The following ZBTB7A variants were observed in gnomAD, a reference collection of about 807,000 sequenced individuals.
ZBTB7A encodes zinc finger and BTB domain containing 7A.
Under a neutral mutation model 26.7 loss-of-function variants are expected in ZBTB7A, and 7 were observed. The observed-to-expected ratio is 0.26, with a 90% CI of 0.15 to 0.49. The LOEUF is 0.49. Among genes scored for constraint, ZBTB7A ranks in the 20% least tolerant of loss-of-function variants. The probability of loss-of-function intolerance (pLI) is 0.98; values close to 1 mark genes in which losing one functional copy is unlikely to be tolerated. For synonymous variants in ZBTB7A, 452 were observed against 441.0 expected, an observed-to-expected ratio of 1.02 and a Z score of -0.31; for missense variants, 617 against 919.5, an observed-to-expected ratio of 0.67 and a Z score of 4.25.
chr19:4,060,184 T>G (rs1000995791), intron 1 of ZBTB7A, among the ~76,000 whole-genome samples: 21 of 151,042 alleles, frequency 1.4e-4, no homozygotes, highest in African/African-American at 5.1e-4. Context: ...GGCGCCCTCC[T>G]CCCCCCGGGC....
chr19:4,065,670 T>A (rs1453655526), intron 1 of ZBTB7A: 1 of 135,234 alleles, frequency 7.4e-6, no homozygotes, highest in African/African-American at 2.7e-5. Context: ...AGGCCGCGCA[T>A]CCCCGGGCTC....
intron 1 of ZBTB7A, among the ~76,000 whole-genome samples, chr19:4,055,869 C>T (rs777279794): frequency 8.5e-5 from 13 of 152,084 alleles, no homozygotes; most frequent in Non-Finnish European, 1.3e-4. Flanking sequence ...ATGATCCAAC[C>T]GCCCCTGCCT....
At chr19:4,063,180 C>T (rs1410861386) in intron 1 of ZBTB7A, among the ~76,000 whole-genome samples, 1 of 152,134 alleles carries the variant, frequency 6.6e-6, no homozygotes, top group East Asian at 1.9e-4. Context: ...GAGTTTCCGC[C>T]GCGGAGGAGA....
chr19:4,049,690 C>T (rs1479745895), intron 2 of ZBTB7A, among the ~76,000 whole-genome samples: 3 of 152,154 alleles, frequency 2.0e-5, no homozygotes, highest in East Asian at 1.9e-4. Context: ...CCCCACCCCA[C>T]GACACCCAGG....
In ZBTB7A at chr19:4,052,040, G is replaced by A. The variant is rs968061245; in HGVS notation, c.1262+1931C>T. 2.0e-4 allele frequency among the ~76,000 whole-genome samples: 31 copies of A among 152,092 alleles called. No homozygotes were observed. The highest frequency in any genetic ancestry group is 1.6e-3 in the Admixed American group (24 of 15,268). On this transcript the variant is annotated intron_variant, in intron 2 of 2. Transcript: ENST00000322357. The surrounding 1 kb of genome is among the most constrained non-coding windows in gnomAD (Gnocchi z 4.9). ...TCCTGGGGAGGGGGGACCAGAGCAC[G>A]GGGTGGGGGAAAAGAGGAAGCAGGT...
rs781483584 is a variant in ZBTB7A at position 4,048,293 on chromosome 19, C to T, written c.1263-49G>A. On this transcript the variant is annotated intron_variant, in intron 2 of 2. Coordinates refer to ENST00000322357, the MANE Select transcript of ZBTB7A (RefSeq NM_015898.4). The surrounding 1 kb of genome is among the most constrained non-coding windows in gnomAD (Gnocchi z 6.7). Reference sequence around the variant, plus strand: ...CACGGTCAGTGGGGCCGGGGACCCCCGATCCCCGCCCAGGGACCCTCACGG... The same window carrying T: ...CACGGTCAGTGGGGCCGGGGACCCCTGATCCCCGCCCAGGGACCCTCACGG... 1.1e-5 allele frequency: 17 copies of T among 1,511,008 alleles called. No homozygotes were observed. The highest frequency in any genetic ancestry group is 1.7e-4 in the Middle Eastern group (1 of 5,784). The allele number at this position is 1,511,008 out of a possible 1,614,324, so 93.6% of individuals were successfully genotyped here.
intron 1 of ZBTB7A, among the ~76,000 whole-genome samples, chr19:4,059,892 A>T (rs1015254774): frequency 1.2e-4 from 18 of 152,290 alleles, no homozygotes; most frequent in Middle Eastern, 3.4e-3. Context: ...GGCAATAAAA[A>T]GTCCCCGAGT....
At chr19:4,051,281 G>A (rs2040502102) in intron 2 of ZBTB7A, among the ~76,000 whole-genome samples, 1 of 152,014 alleles carries the variant, frequency 6.6e-6, no homozygotes, top group African/African-American at 2.4e-5. Context: ...CCCCACATCT[G>A]AGCCACCTCG....
At chr19:4,063,982 G>C (rs1191826385) in intron 1 of ZBTB7A, among the ~76,000 whole-genome samples, 1 of 152,220 alleles carries the variant, frequency 6.6e-6, no homozygotes, top group Non-Finnish European at 1.5e-5. Context: ...AGGTCAGAGG[G>C]ACTCAAGGAA....
Position 4,047,780 on chromosome 19 carries a change from T to A in ZBTB7A, c.1727A>T (p.Asp576Val). 1 of 1,600,522 alleles carries A rather than the reference T, an allele frequency of 6.2e-7. No homozygotes were observed. Among genetic ancestry groups the A allele is most frequent in the Non-Finnish European group, 8.5e-7 (1 of 1,174,216 alleles). Reference sequence around the variant, plus strand: ...GGCGAGTCCGGCTGTGAAGTTACCGTCGGTGGCGGCCCCGGGGCCACCTCC... The same window carrying A: ...GGCGAGTCCGGCTGTGAAGTTACCGACGGTGGCGGCCCCGGGGCCACCTCC... ...DSGGGPGAAT[D>V]GNFTAGLA Residue 576 changes from aspartate (D) to valine (V), a missense_variant, in exon 3 of 3, where the codon GAC (aspartate) becomes GTC (valine). This residue lies in a region of ZBTB7A where 136 missense variants were observed against 126.6 expected (regional missense o/e 1.07). Transcript: ENST00000322357.
In ZBTB7A at chr19:4,048,628, C is replaced by A. The variant is rs1475749218; in HGVS notation, c.1263-384G>T. Among the ~76,000 whole-genome samples, 1 of 151,540 alleles carries A rather than the reference C, an allele frequency of 6.6e-6. No homozygotes were observed. Among genetic ancestry groups the A allele is most frequent in the Admixed American group, 6.6e-5 (1 of 15,202 alleles). The stretch of plus-strand genomic sequence containing the variant: ...GGCGGATCACTTGAGGCCAGGAGTT[C>A]GAGACCAGCCTGATCGACACGGTGA... On this transcript the variant is annotated intron_variant, in intron 2 of 2. Coordinates refer to ENST00000322357, the MANE Select transcript of ZBTB7A (RefSeq NM_015898.4). This position sits in a 1 kb window ranked among gnomAD's most constrained non-coding sequence, Gnocchi z 6.7.
intron 2 of ZBTB7A, among the ~76,000 whole-genome samples, chr19:4,049,209 TG>T (rs774789785): frequency 0.011 from 321 of 29,976 alleles, 21 homozygotes; most frequent in East Asian, 0.098. Flanking sequence ...TATATATATA[TG>T]TAAGTTTGAG....
Position 4,046,054 on chromosome 19 carries a change from G to A in ZBTB7A, c.*1698C>T, listed in dbSNP as rs1375639974. 2 of 398,988 alleles carry A rather than the reference G, an allele frequency of 5.0e-6. No individual in the cohort carries two copies. Among genetic ancestry groups the A allele is most frequent in the Non-Finnish European group, 8.8e-6 (2 of 226,168 alleles). The allele number at this position is 398,988 out of a possible 1,614,324, so 24.7% of individuals were successfully genotyped here. On this transcript the variant is annotated 3_prime_UTR_variant, in exon 3 of 3. Transcript: ENST00000322357. ...GATTGGGGGGTGCCGGATGGGGATC[G>A]GGGTGCTCCGGCTGGAAGGCCCATC...
At chr19:4,050,349 C>G (rs2040488423) in intron 2 of ZBTB7A, among the ~76,000 whole-genome samples, 1 of 150,388 alleles carries the variant, frequency 6.6e-6, no homozygotes. Flanking sequence ...GCGTGAGCCA[C>G]CGCGCCCGGC....
At chr19:4,063,063 C>T (rs1167631719) in intron 1 of ZBTB7A, among the ~76,000 whole-genome samples, 1 of 152,122 alleles carries the variant, frequency 6.6e-6, no homozygotes, top group Non-Finnish European at 1.5e-5. Context: ...AGGGCTACTG[C>T]AGGGCAGTTT....
intron 1 of ZBTB7A, among the ~76,000 whole-genome samples, chr19:4,058,905 C>T (rs1014916154): frequency 2.0e-4 from 30 of 152,236 alleles, no homozygotes; most frequent in Admixed American, 1.7e-3. Flanking sequence ...CAGCCTCGGC[C>T]CAGGGCCCAG....
intron 1 of ZBTB7A, chr19:4,062,547 AGCACGG>A (rs915552555): frequency 4.6e-5 from 7 of 152,228 alleles, no homozygotes; most frequent in African/African-American, 1.7e-4. Flanking sequence ...CTGGAATTTG[AGCACGG>A]GCCGTCTGTC....
chr19:4,061,847 G>T, intron 1 of ZBTB7A: 1 of 152,400 alleles, frequency 6.6e-6, no homozygotes. Context: ...CCAGACTACA[G>T]CCCGAGCCCA....
chr19:4,050,068 C>T (rs2040483289), intron 2 of ZBTB7A, among the ~76,000 whole-genome samples: 2 of 150,984 alleles, frequency 1.3e-5, no homozygotes, highest in Admixed American at 1.3e-4. Context: ...GGATTACAGG[C>T]CCTCTGCCAC....
Sources: gnomAD v4.1 joint callset for allele counts (sites outside exome capture counted in the v4.1 genomes callset) on GRCh38, gnomAD v4.1.1 for gene constraint, gnomAD v4.1.1 regional missense constraint, Gnocchi (gnomAD v3.1) non-coding constraint, MANE v1.5 for transcripts, NCBI Gene and HGNC (gene_info 2026-07-23, HGNC 2026-07-21) for gene names.